HACD3: variants seen among roughly 807,000 people sequenced by gnomAD.
HACD3 encodes the protein 3-hydroxyacyl-CoA dehydratase 3, also known as very-long-chain (3R)-3-hydroxyacyl-CoA dehydratase 3.
In HACD3, 30 loss-of-function variants were observed where a neutral mutation model predicts 55.2. The observed-to-expected ratio is 0.54, with a 90% CI of 0.41 to 0.74. The LOEUF is 0.74. Ranked by LOEUF, HACD3 falls within the 30% of genes least tolerant of loss-of-function variation. HACD3 has a pLI of 0.00. For missense variants in HACD3, 363 were observed against 440.1 expected, an observed-to-expected ratio of 0.82 and a Z score of 1.57; for synonymous variants, 141 against 151.7, an observed-to-expected ratio of 0.93 and a Z score of 0.52.
intron 5 of HACD3, among the ~76,000 whole-genome samples, chr15:65,559,943 G>T (rs920878704): frequency 6.6e-6 from 1 of 152,076 alleles, no homozygotes; most frequent in Non-Finnish European, 1.5e-5. Flanking sequence ...TCTTTATGGT[G>T]GGGAAGTGTA....
In HACD3 at chr15:65,564,327, G is replaced by A. The variant is rs2072271699; in HGVS notation, c.645G>A (p.Leu215=). 1 of 1,613,136 alleles carries A rather than the reference G, an allele frequency of 6.2e-7. No individual in the cohort carries two copies. Among genetic ancestry groups the A allele is most frequent in the Non-Finnish European group, 8.5e-7 (1 of 1,179,588 alleles). ...AAIGVTTSPV[L]PSLIQLLGRN... is the part of the protein sequence containing the mutation. ...TTGGAGTCACTACGTCACCGGTGCT[G>A]CCTTCTCTGATCCAGGTATTGAATA... Residue 215 remains leucine, a synonymous_variant, in exon 7 of 11, where the codon CTG becomes CTA. Transcript: ENST00000261875.
chr15:65,543,119 A>G (rs2072038801), intron 1 of HACD3, among the ~76,000 whole-genome samples: 1 of 152,038 alleles, frequency 6.6e-6, no homozygotes, highest in African/African-American at 2.4e-5. Flanking sequence ...AATTAAATAA[A>G]CAGAACCAAA....
At chr15:65,544,527 G>GATCT (rs1262020975) in intron 1 of HACD3, among the ~76,000 whole-genome samples, 1 of 152,102 alleles carries the variant, frequency 6.6e-6, no homozygotes, top group Non-Finnish European at 1.5e-5. Context: ...GTGTACAAGG[G>GATCT]ATCTCTCAGT....
At chr15:65,569,220 C>G (rs557773944) in intron 7 of HACD3, among the ~76,000 whole-genome samples, 1 of 146,592 alleles carries the variant, frequency 6.8e-6, no homozygotes, top group Non-Finnish European at 1.5e-5. Flanking sequence ...TGCACTCCAG[C>G]CTGGACGACA....
Position 65,556,921 on chromosome 15 carries a change from G to A in HACD3, c.369+18G>A. 1 of 1,600,312 alleles carries A rather than the reference G, an allele frequency of 6.2e-7. No homozygotes were observed. The highest frequency in any genetic ancestry group is 8.5e-7 in the Non-Finnish European group (1 of 1,171,350). On this transcript the variant is annotated intron_variant, in intron 4 of 10. Coordinates refer to ENST00000261875, the MANE Select transcript of HACD3 (RefSeq NM_016395.4). ...GAGCTAAGGTTAGTAAGGATCCTAG[G>A]ATCTAGCCATTGAGGACAAATCATG...
intron 10 of HACD3, among the ~76,000 whole-genome samples, chr15:65,576,010 CT>C (rs2072397217): frequency 6.6e-6 from 1 of 152,200 alleles, no homozygotes; most frequent in East Asian, 1.9e-4. Context: ...AGGAGGATTG[CT>C]TGAACCCAGG....
At chr15:65,554,776 A>G (rs1225053496) in intron 2 of HACD3, 111 bp from the exon 3 acceptor site, 2 of 643,674 alleles carry the variant, frequency 3.1e-6, no homozygotes, top group East Asian at 6.6e-5. Flanking sequence ...CTCTGTCTCA[A>G]AAAAAAAAAA....
At chr15:65,569,043 C>A (rs532037690) in intron 7 of HACD3, among the ~76,000 whole-genome samples, 1 of 150,936 alleles carries the variant, frequency 6.6e-6, no homozygotes, top group Non-Finnish European at 1.5e-5. Context: ...GTCAGGAGAT[C>A]GAGACCATCC....
intron 10 of HACD3, among the ~76,000 whole-genome samples, chr15:65,573,719 A>G (rs2072374298): frequency 6.6e-6 from 1 of 152,244 alleles, no homozygotes; most frequent in Non-Finnish European, 1.5e-5. Context: ...GTGAAAATAC[A>G]TACATTCTTA....
intron 1 of HACD3, among the ~76,000 whole-genome samples, chr15:65,537,891 G>T (rs1161526968): frequency 7.3e-6 from 1 of 136,444 alleles, no homozygotes; most frequent in Non-Finnish European, 1.5e-5. Flanking sequence ...TTACAGAATG[G>T]TTTACTGAAT....
chr15:65,544,743 C>T (rs953071777), intron 1 of HACD3, among the ~76,000 whole-genome samples: 5 of 151,926 alleles, frequency 3.3e-5, no homozygotes, highest in East Asian at 1.9e-4. Context: ...ATAATGTTGC[C>T]GGGTGCGGTG....
intron 1 of HACD3, among the ~76,000 whole-genome samples, chr15:65,536,861 G>A (rs950127860): frequency 3.3e-5 from 5 of 152,162 alleles, no homozygotes; most frequent in African/African-American, 1.2e-4. Flanking sequence ...TAGTGAGGAA[G>A]GCATGTCAAA....
At position 65,537,950 on chromosome 15, in the gene HACD3, AAAAAAAAAATATATATATATATATATAT is replaced by A. The variant is rs1312518768; in HGVS notation, c.87+7234_87+7261del. 5.6e-3 allele frequency among the ~76,000 whole-genome samples: 293 copies of A among 52,532 alleles called. 10 individuals are homozygous for A. The highest frequency in any genetic ancestry group is 0.037 in the East Asian group (27 of 720). The allele number at this position is 52,532 out of a possible 152,430, so 34.5% of individuals were successfully genotyped here. ...AACTTCTCAGAAAAAAAAAAAAAAA[AAAAAAAAAATATATATATATATATATAT>A]ATATATATATATATATATATATGTA... On this transcript the variant is annotated intron_variant, in intron 1 of 10. Coordinates refer to ENST00000261875, the MANE Select transcript of HACD3 (RefSeq NM_016395.4).
intron 1 of HACD3, among the ~76,000 whole-genome samples, chr15:65,533,878 C>T (rs370577093): frequency 6.6e-5 from 10 of 151,746 alleles, no homozygotes; most frequent in African/African-American, 2.4e-4. Context: ...GGTGAAACCT[C>T]GTCTCTACTA....
chr15:65,562,065 C>T (rs2072249372), intron 5 of HACD3, among the ~76,000 whole-genome samples: 1 of 152,240 alleles, frequency 6.6e-6, no homozygotes, highest in Admixed American at 6.5e-5. Flanking sequence ...TCCGTGTGTT[C>T]AGCTGTCTGG....
intron 8 of HACD3, 83 bp downstream of exon 8, chr15:65,570,286 C>A: frequency 9.8e-7 from 1 of 1,022,382 alleles, no homozygotes; most frequent in Non-Finnish European, 1.5e-6. Flanking sequence ...TTATCTTAGC[C>A]AGAGTCTCAT....
chr15:65,534,524 G>A lies in HACD3; in HGVS notation c.87+3806G>A, dbSNP rs942469287. 4.6e-5 allele frequency: 7 copies of A among 152,312 alleles called. No individual in the cohort carries two copies. In the South Asian group the frequency reaches 6.2e-4, roughly 14 times the overall value. 9.4% of individuals were successfully genotyped at this position (152,312 alleles called of 1,614,324 possible). A position where few individuals can be genotyped will look rare whatever the true frequency, so the allele number is the denominator to read the frequency against. On this transcript the variant is annotated intron_variant, in intron 1 of 10. Transcript: ENST00000261875. ...TGAACATAATGAACGTGTTTGTCCC[G>A]AGAAACATAGTTGTTAAAGCATTGG...
chr15:65,545,928 G>A (rs902198705), intron 1 of HACD3, among the ~76,000 whole-genome samples: 6 of 152,238 alleles, frequency 3.9e-5, no homozygotes, highest in African/African-American at 9.6e-5. Flanking sequence ...CTCTTTGTAA[G>A]AGAACTGCCA....
chr15:65,570,301 T>A (rs1401277654), intron 8 of HACD3, 98 bp downstream of exon 8: 2 of 892,910 alleles, frequency 2.2e-6, no homozygotes, highest in Non-Finnish European at 3.5e-6. Flanking sequence ...TCTCATTTGG[T>A]TTGGGACTAA....
Sources: gnomAD v4.1 joint callset for allele counts (sites outside exome capture counted in the v4.1 genomes callset) on GRCh38, gnomAD v4.1.1 for gene constraint, MANE v1.5 for transcripts, NCBI Gene and HGNC (gene_info 2026-07-23, HGNC 2026-07-21) for gene names.